The following DPP6 variants were observed in gnomAD, a reference collection of about 807,000 sequenced individuals.
DPP6 encodes dipeptidyl peptidase like 6.
Under a neutral mutation model 122.6 loss-of-function variants are expected in DPP6, and 69 were observed. The observed-to-expected ratio is 0.56, with a 90% CI of 0.46 to 0.69. The LOEUF (loss-of-function observed/expected upper bound fraction) is 0.69. DPP6 is among the 30% of genes least tolerant of loss of function. DPP6 has a pLI of 0.00. For synonymous variants in DPP6, 418 were observed against 433.1 expected (o/e 0.97, Z 0.43); for missense variants, 928 against 1,116.9 (o/e 0.83, Z 2.41).
chr7:154,020,841 A>C (rs985772972), intron 1 of DPP6, among the ~76,000 whole-genome samples: 12 of 152,190 alleles, frequency 7.9e-5, no homozygotes, highest in East Asian at 5.8e-4. Context: ...TTTAGGGGTG[A>C]ACTTGGTGGA....
intron 8 of DPP6, among the ~76,000 whole-genome samples, chr7:154,752,148 G>A (rs1843427444): frequency 6.6e-6 from 1 of 152,170 alleles, no homozygotes; most frequent in South Asian, 2.1e-4. Context: ...GTGTCTGCTT[G>A]GGTGGGGGAG....
intron 1 of DPP6, among the ~76,000 whole-genome samples, chr7:154,194,391 A>G (rs953924788): frequency 6.6e-6 from 1 of 152,230 alleles, no homozygotes; most frequent in Non-Finnish European, 1.5e-5. Flanking sequence ...TGAGATATTA[A>G]TGGCATACAA....
At chr7:154,639,913 A>G (rs950579870) in intron 6 of DPP6, among the ~76,000 whole-genome samples, 3 of 152,114 alleles carry the variant, frequency 2.0e-5, no homozygotes, top group African/African-American at 7.2e-5. Flanking sequence ...CTCACCTCCT[A>G]GCTACTGTAT....
At chr7:154,096,967 G>A (rs1415575248) in intron 1 of DPP6, among the ~76,000 whole-genome samples, 1 of 152,240 alleles carries the variant, frequency 6.6e-6, no homozygotes, top group African/African-American at 2.4e-5. Context: ...ACTCTGAGAG[G>A]AAAGACCCAC....
intron 1 of DPP6, among the ~76,000 whole-genome samples, chr7:154,061,617 A>AGC (rs1394853721): frequency 0.012 from 1,570 of 131,464 alleles, 29 homozygotes; most frequent in African/African-American, 0.043. Context: ...CTCCCATCAC[A>AGC]GGGGGGGGAG....
At chr7:154,427,230 G>A (rs1024786656) in intron 1 of DPP6, among the ~76,000 whole-genome samples, 2 of 152,158 alleles carry the variant, frequency 1.3e-5, no homozygotes, top group Admixed American at 6.5e-5. Context: ...AGGATTAAGT[G>A]CATTCTGTAT....
At chr7:153,978,287 T>C (rs1372519700) in intron 1 of DPP6, among the ~76,000 whole-genome samples, 5 of 152,230 alleles carry the variant, frequency 3.3e-5, no homozygotes, top group African/African-American at 1.2e-4. Context: ...TTTTGATTTG[T>C]ATTTCTCTAA....
chr7:154,520,100 G>A (rs1319887728), intron 3 of DPP6, among the ~76,000 whole-genome samples: 1 of 152,178 alleles, frequency 6.6e-6, no homozygotes, highest in Non-Finnish European at 1.5e-5. Context: ...AAAGCCAGAA[G>A]TTACAGTCAG....
At chr7:154,714,495 C>T (rs1292385688) in intron 7 of DPP6, among the ~76,000 whole-genome samples, 1 of 152,188 alleles carries the variant, frequency 6.6e-6, no homozygotes, top group Non-Finnish European at 1.5e-5. Context: ...AACTTACAAT[C>T]ATGGTGGAAC....
chr7:154,221,457 C>T (rs1483554700), intron 1 of DPP6, among the ~76,000 whole-genome samples: 1 of 151,996 alleles, frequency 6.6e-6, no homozygotes, highest in Non-Finnish European at 1.5e-5. Context: ...TGTGCTCGAC[C>T]CTCATTAGGT....
chr7:154,852,379 G>A (rs1185126876), intron 16 of DPP6, among the ~76,000 whole-genome samples: 3 of 152,126 alleles, frequency 2.0e-5, no homozygotes, highest in South Asian at 2.1e-4. Flanking sequence ...TGTTCCCACA[G>A]TGCATCTGTC....
intron 4 of DPP6, among the ~76,000 whole-genome samples, chr7:154,565,882 G>A (rs1369329644): frequency 1.3e-5 from 2 of 152,216 alleles, no homozygotes; most frequent in South Asian, 2.1e-4. Flanking sequence ...GGTTGCCTGA[G>A]CATGCATAGA....
chr7:154,794,645 T>C (rs137931110), intron 11 of DPP6, among the ~76,000 whole-genome samples: 1,570 of 152,278 alleles, frequency 0.01, 28 homozygotes, highest in African/African-American at 0.036. Context: ...AGGCCAGCCA[T>C]GTTTCTAGGA....
chr7:154,530,876 C>A (rs996890677), intron 3 of DPP6, among the ~76,000 whole-genome samples: 6 of 152,082 alleles, frequency 3.9e-5, no homozygotes, highest in African/African-American at 1.2e-4. Flanking sequence ...AGCCATTATC[C>A]TCAGCAAACT....
At chr7:154,595,639 GA>G (rs1833048402) in intron 5 of DPP6, among the ~76,000 whole-genome samples, 1 of 152,252 alleles carries the variant, frequency 6.6e-6, no homozygotes, top group Non-Finnish European at 1.5e-5. Context: ...TTGCCAAGTA[GA>G]AAAGCCCTTG....
intron 1 of DPP6, among the ~76,000 whole-genome samples, chr7:154,102,346 C>G (rs144506800): frequency 1.3e-5 from 2 of 151,940 alleles, no homozygotes; most frequent in African/African-American, 4.8e-5. Flanking sequence ...CACACCAATA[C>G]GCCCAGCTAA....
chr7:154,739,084 C>T (rs181715765), intron 8 of DPP6, among the ~76,000 whole-genome samples: 1 of 152,230 alleles, frequency 6.6e-6, no homozygotes, highest in African/African-American at 2.4e-5. Context: ...GGGAGTGTTC[C>T]GGAGGGACAC....
chr7:154,785,816 C>T (rs1274019445), intron 10 of DPP6, among the ~76,000 whole-genome samples: 1 of 152,172 alleles, frequency 6.6e-6, no homozygotes, highest in African/African-American at 2.4e-5. Flanking sequence ...AAGGAGTGCC[C>T]TGTGATTGCA....
intron 1 of DPP6, among the ~76,000 whole-genome samples, chr7:154,238,109 T>C (rs1039227895): frequency 2.6e-5 from 4 of 152,232 alleles, no homozygotes; most frequent in African/African-American, 7.2e-5. Context: ...TGTTATTTGG[T>C]ATTTTTAATA....
Sources: gnomAD v4.1 joint callset for allele counts (sites outside exome capture counted in the v4.1 genomes callset) on GRCh38, gnomAD v4.1.1 for gene constraint, MANE v1.5 for transcripts, NCBI Gene and HGNC (gene_info 2026-07-23, HGNC 2026-07-21) for gene names.